The following KCNH5 variants were observed in gnomAD, a reference collection of about 807,000 sequenced individuals.
The protein encoded by KCNH5 is potassium voltage-gated channel subfamily H member 5.
Under a neutral mutation model 96.1 loss-of-function variants are expected in KCNH5, and 46 were observed. That is an observed-to-expected ratio of 0.48 (90% CI 0.38 to 0.61). KCNH5 has a LOEUF of 0.61. Among genes scored for constraint, KCNH5 ranks in the 20% least tolerant of loss-of-function variants. KCNH5 has a pLI of 0.00. For synonymous variants in KCNH5, 439 were observed against 449.8 expected, an observed-to-expected ratio of 0.98 and a Z score of 0.30; for missense variants, 907 against 1,225.8, an observed-to-expected ratio of 0.74 and a Z score of 3.88.
chr14:63,032,247 G>A (rs529002661), intron 1 of KCNH5, among the ~76,000 whole-genome samples: 34 of 151,802 alleles, frequency 2.2e-4, no homozygotes, highest in Non-Finnish European at 4.6e-4. Context: ...CACAGCTCTC[G>A]CTCTCAAAGC....
chr14:62,909,521 T>C (rs954498044), intron 7 of KCNH5, among the ~76,000 whole-genome samples: 55 of 152,234 alleles, frequency 3.6e-4, no homozygotes, highest in African/African-American at 1.3e-3. Flanking sequence ...GCCAAAAACC[T>C]CAACCTCTCT....
At chr14:62,759,546 C>G (rs964825132) in intron 10 of KCNH5, among the ~76,000 whole-genome samples, 4 of 82,698 alleles carry the variant, frequency 4.8e-5, no homozygotes, top group African/African-American at 1.3e-4. Flanking sequence ...TATCATAAAG[C>G]TGGTTTACCC....
chr14:62,845,105 CTATT>C (rs1405657369), intron 8 of KCNH5, among the ~76,000 whole-genome samples: 1 of 151,606 alleles, frequency 6.6e-6, no homozygotes, highest in Admixed American at 6.6e-5. Flanking sequence ...TTGATAACCT[CTATT>C]TAAAATATTT....
chr14:62,879,266 A>G (rs1888445615), intron 7 of KCNH5, among the ~76,000 whole-genome samples: 1 of 152,172 alleles, frequency 6.6e-6, no homozygotes, highest in Non-Finnish European at 1.5e-5. Flanking sequence ...GCTGGTAGGA[A>G]TGCAAATTGG....
Position 62,950,284 on chromosome 14 carries a change from A to G in KCNH5, c.1218T>C (p.Ala406=). The change falls in exon 7 of 11, where the codon GCT becomes GCC. Residue 406 remains alanine (A), a synonymous_variant. Transcript: ENST00000322893. ...TGCTGGGTCCTCCTTCCCATATCCC[A>G]GCACTGGTATTGTAGCGATATGGAG... ...IGTPYRYNTS[A]GIWEGGPSKD... The G allele has an allele frequency of 1.2e-6, 2 of 1,614,066 alleles. No homozygotes were observed. The highest frequency in any genetic ancestry group is 2.2e-5 in the South Asian group (2 of 91,076).
chr14:62,878,093 G>C (rs535338869), intron 7 of KCNH5, among the ~76,000 whole-genome samples: 1 of 146,798 alleles, frequency 6.8e-6, no homozygotes. Flanking sequence ...ACTATCGCAA[G>C]GACAAAAAAC....
intron 4 of KCNH5, among the ~76,000 whole-genome samples, chr14:62,991,635 G>A (rs1374458854): frequency 1.3e-5 from 2 of 151,972 alleles, no homozygotes; most frequent in Non-Finnish European, 2.9e-5. Context: ...ATCAATGGGA[G>A]CATTCAGAGA....
At chr14:62,957,715 G>T (rs1214056914) in intron 6 of KCNH5, among the ~76,000 whole-genome samples, 1 of 152,168 alleles carries the variant, frequency 6.6e-6, no homozygotes, top group Non-Finnish European at 1.5e-5. Flanking sequence ...CAGCCCAGCT[G>T]CCATGTGAAC....
intron 8 of KCNH5, among the ~76,000 whole-genome samples, chr14:62,811,475 T>C (rs1886871740): frequency 6.6e-6 from 1 of 152,184 alleles, no homozygotes; most frequent in Admixed American, 6.6e-5. Context: ...ATGTCCCATC[T>C]TCCCTTTCTC....
chr14:62,979,045 T>C (rs1237447866), intron 6 of KCNH5, among the ~76,000 whole-genome samples: 1 of 152,174 alleles, frequency 6.6e-6, no homozygotes, highest in Non-Finnish European at 1.5e-5. Context: ...TCTTCCACCA[T>C]CTCTCCATTC....
intron 8 of KCNH5, among the ~76,000 whole-genome samples, chr14:62,837,642 A>G (rs781081177): frequency 3.9e-5 from 6 of 152,124 alleles, no homozygotes; most frequent in Non-Finnish European, 5.9e-5. Flanking sequence ...TGAGGTTTGG[A>G]GTTTTGTTTG....
intron 6 of KCNH5, among the ~76,000 whole-genome samples, chr14:62,963,855 A>C (rs1890257387): frequency 6.6e-6 from 1 of 152,166 alleles, no homozygotes; most frequent in African/African-American, 2.4e-5. Context: ...TCAGTGAGTC[A>C]CATTAGTGGT....
intron 3 of KCNH5, among the ~76,000 whole-genome samples, chr14:63,003,522 ATTT>A (rs557565695): frequency 8.8e-6 from 1 of 113,842 alleles, no homozygotes; most frequent in African/African-American, 3.7e-5. Flanking sequence ...TATTTTATAT[ATTT>A]TATATATATT....
At chr14:62,867,556 C>A (rs1229362911) in intron 7 of KCNH5, among the ~76,000 whole-genome samples, 1 of 152,224 alleles carries the variant, frequency 6.6e-6, no homozygotes, top group East Asian at 1.9e-4. Flanking sequence ...TCTACAATAG[C>A]CTCCTAACTA....
intron 7 of KCNH5, among the ~76,000 whole-genome samples, chr14:62,921,029 T>G (rs781653975): frequency 3.2e-4 from 49 of 152,180 alleles, no homozygotes; most frequent in African/African-American, 1.1e-3. Context: ...AATGCCTATG[T>G]GTTTTTGTAT....
At chr14:62,808,458 T>C (rs918427261) in intron 8 of KCNH5, among the ~76,000 whole-genome samples, 3 of 152,144 alleles carry the variant, frequency 2.0e-5, no homozygotes, top group Non-Finnish European at 4.4e-5. Flanking sequence ...TAAAGGGTTA[T>C]AAAAGGTTTA....
At chr14:62,739,161 C>T (rs1885220618) in intron 10 of KCNH5, among the ~76,000 whole-genome samples, 1 of 152,146 alleles carries the variant, frequency 6.6e-6, no homozygotes, top group Admixed American at 6.6e-5. Flanking sequence ...TTAACATTCA[C>T]TCCAATACAA....
intron 7 of KCNH5, among the ~76,000 whole-genome samples, chr14:62,858,791 G>A (rs754510941): frequency 2.0e-5 from 3 of 151,780 alleles, no homozygotes; most frequent in Admixed American, 6.5e-5. Context: ...TATATCGGAT[G>A]CTGATTCAGA....
At chr14:62,807,911 T>C (rs1191588814) in intron 8 of KCNH5, among the ~76,000 whole-genome samples, 1 of 152,118 alleles carries the variant, frequency 6.6e-6, no homozygotes, top group Admixed American at 6.6e-5. Context: ...AATGACACTA[T>C]AACTCTTACT....
Sources: allele counts gnomAD v4.1 joint callset (sites outside exome capture counted in the v4.1 genomes callset), GRCh38; gene constraint gnomAD v4.1.1; transcripts MANE v1.5; gene names NCBI Gene and HGNC (gene_info 2026-07-23, HGNC 2026-07-21).